Variants in MDGA2 observed in about 807,000 individuals in gnomAD.
MDGA2 encodes the protein MAM domain-containing glycosylphosphatidylinositol anchor protein 2.
A neutral mutation model predicts 117.8 loss-of-function variants in MDGA2; 40 were observed. That is an observed-to-expected ratio of 0.34 (90% CI 0.26 to 0.44). The LOEUF (loss-of-function observed/expected upper bound fraction) is 0.44, where lower values mean the gene tolerates loss of function less well. Among genes scored for constraint, MDGA2 ranks in the 20% least tolerant of loss-of-function variants. MDGA2 has a pLI of 1.00. For missense variants in MDGA2, 1,123 were observed against 1,250.6 expected, an observed-to-expected ratio of 0.90 and a Z score of 1.54; for synonymous variants, 452 against 439.0, an observed-to-expected ratio of 1.03 and a Z score of -0.37.
At chr14:47,345,461 C>T (rs2138335516) in intron 1 of MDGA2, among the ~76,000 whole-genome samples, 1 of 152,086 alleles carries the variant, frequency 6.6e-6, no homozygotes, top group Non-Finnish European at 1.5e-5. Flanking sequence ...AGTGAAGTAT[C>T]AAGAGAATAA....
intron 1 of MDGA2, among the ~76,000 whole-genome samples, chr14:47,302,623 A>G (rs999187625): frequency 7.9e-5 from 12 of 152,188 alleles, no homozygotes; most frequent in African/African-American, 2.9e-4. Flanking sequence ...ATCTAACATT[A>G]AAGACAATGA....
At chr14:47,532,552 G>A (rs1283105927) in intron 1 of MDGA2, among the ~76,000 whole-genome samples, 1 of 152,150 alleles carries the variant, frequency 6.6e-6, no homozygotes, top group Non-Finnish European at 1.5e-5. Flanking sequence ...GACCAATAGA[G>A]CAAATCAAGT....
chr14:47,595,682 T>C (rs373893166), intron 1 of MDGA2, among the ~76,000 whole-genome samples: 1 of 152,132 alleles, frequency 6.6e-6, no homozygotes, highest in Non-Finnish European at 1.5e-5. Flanking sequence ...TTATATTCTT[T>C]GAAGGAGCCA....
intron 8 of MDGA2, among the ~76,000 whole-genome samples, chr14:47,033,744 C>T (rs1241364514): frequency 2.6e-5 from 4 of 151,972 alleles, no homozygotes; most frequent in Non-Finnish European, 4.4e-5. Flanking sequence ...TATCAGTTTG[C>T]GTGTTTATAA....
At chr14:47,356,632 C>G (rs1890999854) in intron 1 of MDGA2, among the ~76,000 whole-genome samples, 1 of 152,172 alleles carries the variant, frequency 6.6e-6, no homozygotes. Context: ...CATAAAGGGG[C>G]CCTTCCCTGT....
intron 8 of MDGA2, among the ~76,000 whole-genome samples, chr14:46,961,235 T>G (rs1200874955): frequency 6.6e-6 from 1 of 152,208 alleles, no homozygotes; most frequent in Non-Finnish European, 1.5e-5. Flanking sequence ...TTCTTAGATC[T>G]GTTAAGTTTG....
chr14:47,171,679 A>G (rs1194326987), intron 3 of MDGA2, among the ~76,000 whole-genome samples: 1 of 152,190 alleles, frequency 6.6e-6, no homozygotes, highest in African/African-American at 2.4e-5. Flanking sequence ...AGATGGCCGA[A>G]TAGGAACAGC....
intron 6 of MDGA2, among the ~76,000 whole-genome samples, chr14:47,088,534 T>C (rs997025400): frequency 8.5e-5 from 13 of 152,172 alleles, no homozygotes; most frequent in African/African-American, 3.1e-4. Context: ...TGAATCTAAA[T>C]GCTTGGGAAG....
At chr14:47,467,390 A>T (rs993629771) in intron 1 of MDGA2, among the ~76,000 whole-genome samples, 1 of 152,136 alleles carries the variant, frequency 6.6e-6, no homozygotes, top group Non-Finnish European at 1.5e-5. Flanking sequence ...AAGTAGAGAG[A>T]CACAAATCTT....
intron 5 of MDGA2, among the ~76,000 whole-genome samples, chr14:47,121,462 T>A (rs6572408): frequency 0.11 from 17,032 of 152,028 alleles, 1,087 homozygotes; most frequent in Admixed American, 0.12. Flanking sequence ...TTTTGGAATT[T>A]CGCTATGATT....
intron 1 of MDGA2, among the ~76,000 whole-genome samples, chr14:47,335,068 C>A (rs980526475): frequency 2.0e-5 from 3 of 151,708 alleles, no homozygotes; most frequent in African/African-American, 2.4e-5. Flanking sequence ...TGTATCTTTC[C>A]TTATTTAATT....
chr14:46,957,507 T>C lies in MDGA2; in HGVS notation c.1956A>G (p.Leu652=), dbSNP rs374910550. ...TYEWRLGNKL[L]RTGQFDSQEY... is the part of the protein sequence containing the mutation. ...CCTGAGAGTCAAATTGACCCGTCCGTAATAATTTATTGCCCAAGCGCCACT... is the reference window on the plus strand; with the variant it reads ...CCTGAGAGTCAAATTGACCCGTCCGCAATAATTTATTGCCCAAGCGCCACT... The change falls in exon 9 of 17, where the codon TTA becomes TTG. Residue 652 remains leucine (L), a synonymous_variant. Coordinates refer to ENST00000399232, the MANE Select transcript of MDGA2 (RefSeq NM_001113498.3). 3.7e-6 allele frequency: 6 copies of C among 1,614,024 alleles called. No homozygotes were observed. The highest frequency in any genetic ancestry group is 1.3e-5 in the African/African-American group (1 of 74,922).
At chr14:47,025,712 A>C (rs1412153847) in intron 8 of MDGA2, among the ~76,000 whole-genome samples, 1 of 148,762 alleles carries the variant, frequency 6.7e-6, no homozygotes, top group East Asian at 1.9e-4. Context: ...CTCCACCACA[A>C]AAAAAAAAAA....
At chr14:47,016,157 A>G (rs953116045) in intron 8 of MDGA2, among the ~76,000 whole-genome samples, 2 of 152,056 alleles carry the variant, frequency 1.3e-5, no homozygotes, top group Non-Finnish European at 2.9e-5. Context: ...TGTGGATTCC[A>G]TCTCTTTTAG....
Position 46,916,185 on chromosome 14 carries a change from A to C in MDGA2, c.2238+3827T>G, listed in dbSNP as rs990069116. Among the ~76,000 whole-genome samples, 19 of 152,052 alleles carry C rather than the reference A, an allele frequency of 1.2e-4. 1 individual carries two copies. The highest frequency in any genetic ancestry group is 4.6e-4 in the African/African-American group (19 of 41,404). Reference sequence around the variant, plus strand: ...CTGGTAACATCCGCCACATAGATAAAACTTTGCCTGTTCTCATTAAAAAAG... The same window carrying C: ...CTGGTAACATCCGCCACATAGATAACACTTTGCCTGTTCTCATTAAAAAAG... On this transcript the variant is annotated intron_variant, in intron 10 of 16. Transcript: ENST00000399232.
chr14:47,220,136 A>C (rs912528805), intron 2 of MDGA2, among the ~76,000 whole-genome samples: 2 of 152,206 alleles, frequency 1.3e-5, no homozygotes, highest in African/African-American at 2.4e-5. Context: ...TCTACTTTTA[A>C]GAAATAAATA....
intron 3 of MDGA2, among the ~76,000 whole-genome samples, chr14:47,175,579 G>A (rs1397455851): frequency 1.3e-5 from 2 of 151,972 alleles, no homozygotes; most frequent in South Asian, 2.1e-4. Context: ...TGCAGAAAAG[G>A]CCTTTGACAA....
At chr14:46,981,757 A>G (rs1886681051) in intron 8 of MDGA2, among the ~76,000 whole-genome samples, 1 of 152,320 alleles carries the variant, frequency 6.6e-6, no homozygotes, top group Admixed American at 6.5e-5. Context: ...AGAAGTCGAG[A>G]AAATTGTGAG....
At chr14:47,472,945 C>G (rs1893760011) in intron 1 of MDGA2, among the ~76,000 whole-genome samples, 1 of 151,916 alleles carries the variant, frequency 6.6e-6, no homozygotes, top group Non-Finnish European at 1.5e-5. Context: ...ATAGTATTCT[C>G]CAACCAATTA....
Sources: gnomAD v4.1 joint callset for allele counts (sites outside exome capture counted in the v4.1 genomes callset) on GRCh38, gnomAD v4.1.1 for gene constraint, MANE v1.5 for transcripts, NCBI Gene and HGNC (gene_info 2026-07-23, HGNC 2026-07-21) for gene names.